ZNF738: variants seen among roughly 807,000 people sequenced by gnomAD.
ZNF738 encodes protein ZNF738.
ZNF738 carries 10 observed loss-of-function variants against 9.2 expected under a neutral mutation model. The observed-to-expected ratio is 1.09, with a 90% CI of 0.67 to 1.85. The LOEUF is 1.85. Ranked by LOEUF, ZNF738 falls within the 40% of genes most tolerant of loss-of-function variation. The pLI is 0.00. For missense variants in ZNF738, 346 were observed against 283.6 expected (o/e 1.22, Z -1.58); for synonymous variants, 113 against 94.5 (o/e 1.20, Z -1.14).
At position 21,365,716 on chromosome 19, in the gene ZNF738, A is replaced by G. The variant is rs555050920; in HGVS notation, c.96+3858A>G. Among the ~76,000 whole-genome samples the G allele has an allele frequency of 4.7e-4, 72 of 152,202 alleles. No individual in the cohort carries two copies. The South Asian group carries it at 0.015, about 32-fold the overall frequency. ...TCATGCCTGTAATCCAAGCACTCTGAGAAGCCTAGGCGGGTGGATCGCTTG... is the reference window on the plus strand; with the variant it reads ...TCATGCCTGTAATCCAAGCACTCTGGGAAGCCTAGGCGGGTGGATCGCTTG... On this transcript the variant is annotated intron_variant, in intron 2 of 4. Transcript: ENST00000683779.
At chr19:21,366,655 T>C (rs1973783923) in intron 2 of ZNF738, among the ~76,000 whole-genome samples, 1 of 152,204 alleles carries the variant, frequency 6.6e-6, no homozygotes, top group South Asian at 2.1e-4. Flanking sequence ...AAGAAATGGC[T>C]TTCTCCATAG....
rs1362315263 is a variant in ZNF738, at chr19:21,386,095, AAATGTGAAG to A, written c.*2428_*2436del. On this transcript the variant is annotated 3_prime_UTR_variant, in exon 5 of 5. Transcript: ENST00000683779. ...AAATCTTACAGGAGAGAAATTATAC[AAATGTGAAG>A]AATGTGGCAAAGCTTTTAAGAAATC... is the stretch of plus-strand genomic sequence containing the variant. 6.6e-6 allele frequency among the ~76,000 whole-genome samples: 1 copy of A among 152,254 alleles called. No homozygotes were observed. The highest frequency in any genetic ancestry group is 1.5e-5 in the Non-Finnish European group (1 of 68,044).
rs147273543 is a variant in ZNF738 at position 21,380,690 on chromosome 19, C to T, written c.320-2176C>T. ...ACTATAGTTGAAGAAAATCTTTGCCCGGTACTATTATAGGGTACTCAATGA... is the reference window on the plus strand; with the variant it reads ...ACTATAGTTGAAGAAAATCTTTGCCTGGTACTATTATAGGGTACTCAATGA... On this transcript the variant is annotated intron_variant, in intron 4 of 4. Transcript: ENST00000683779. Among the ~76,000 whole-genome samples the T allele has an allele frequency of 1.9e-4, 29 of 152,182 alleles. No homozygotes were observed. The East Asian group carries it at 4.8e-3, about 25-fold the overall frequency.
chr19:21,387,211 G>A lies in ZNF738; in HGVS notation c.*3537G>A, dbSNP rs1233244024. The A allele has an allele frequency of 6.6e-6, 1 of 152,172 alleles. No individual in the cohort carries two copies. The highest frequency in any genetic ancestry group is 2.4e-5 in the African/African-American group (1 of 41,408). 9.4% of individuals were successfully genotyped at this position (152,172 alleles called of 1,614,324 possible). A position where few individuals can be genotyped will look rare whatever the true frequency, so the allele number is the denominator to read the frequency against. ...CTTGACTTTTTTCTTTTTTTGAGAT[G>A]AAGTCTCACTCTTGTCCCCCAGGCT... On this transcript the variant is annotated 3_prime_UTR_variant, in exon 5 of 5. Transcript: ENST00000683779.
chr19:21,378,735 G>T, intron 4 of ZNF738: 1 of 318,672 alleles, frequency 3.1e-6, no homozygotes. Flanking sequence ...GAGTAGCTGG[G>T]ATTACGGGCA....
rs933022148 is a variant in ZNF738, at chr19:21,388,203, G to A, written c.*4529G>A. Among the ~76,000 whole-genome samples, 1 of 152,078 alleles carries A rather than the reference G, an allele frequency of 6.6e-6. No individual in the cohort carries two copies. Among genetic ancestry groups the A allele is most frequent in the African/African-American group, 2.4e-5 (1 of 41,410 alleles). Reference sequence around the variant, plus strand: ...TTGCAGAGTAATAACTACATTCTAAGTATACTTTATTTCTTGAAAAAATTA... The same window carrying A: ...TTGCAGAGTAATAACTACATTCTAAATATACTTTATTTCTTGAAAAAATTA... On this transcript the variant is annotated 3_prime_UTR_variant, in exon 5 of 5. Coordinates refer to ENST00000683779, the MANE Select transcript of ZNF738 (RefSeq NM_001355237.2).
intron 4 of ZNF738, among the ~76,000 whole-genome samples, chr19:21,379,994 T>A (rs1973985092): frequency 6.6e-6 from 1 of 152,140 alleles, no homozygotes; most frequent in Non-Finnish European, 1.5e-5. Context: ...AGTAACTAAG[T>A]AACAAAAGGA....
intron 4 of ZNF738, among the ~76,000 whole-genome samples, chr19:21,380,948 G>A (rs990709108): frequency 1.3e-5 from 2 of 152,118 alleles, no homozygotes; most frequent in Non-Finnish European, 2.9e-5. Context: ...TGCCCAGGAA[G>A]GCAACTTTAA....
chr19:21,383,533 A>T lies in ZNF738; in HGVS notation c.987A>T (p.Ser329=). The change falls in exon 5 of 5, where the codon TCA becomes TCT. Residue 329 remains serine (S), a synonymous_variant. Coordinates refer to ENST00000683779, the MANE Select transcript of ZNF738 (RefSeq NM_001355237.2). ...GTGGCAAAGCTTTCTGCCAATTCTCATACCTTACTAAACATAAGATAATTC... is the reference window on the plus strand; with the variant it reads ...GTGGCAAAGCTTTCTGCCAATTCTCTTACCTTACTAAACATAAGATAATTC... ...EGCGKAFCQF[S]YLTKHKIIHT... is the part of the protein sequence containing the mutation. 13 of 957,116 alleles carry T rather than the reference A, an allele frequency of 1.4e-5. No homozygotes were observed. The highest frequency in any genetic ancestry group is 1.8e-5 in the Non-Finnish European group (11 of 602,034). 59.3% of individuals were successfully genotyped at this position (957,116 alleles called of 1,614,324 possible). A position where few individuals can be genotyped will look rare whatever the true frequency, so the allele number is the denominator to read the frequency against.
In ZNF738 at chr19:21,386,210, C is replaced by A; in HGVS notation, c.*2536C>A. ...GGAATGTGGCAAAGCCTTTAATGGT[C>A]CCCTCAACTTTCTGCACATAAGATA... is the stretch of plus-strand genomic sequence containing the variant. On this transcript the variant is annotated 3_prime_UTR_variant, in exon 5 of 5. Transcript: ENST00000683779. The A allele has an allele frequency of 3.6e-6, 1 of 279,696 alleles. No homozygotes were observed. 17.3% of individuals were successfully genotyped at this position (279,696 alleles called of 1,614,324 possible). A position where few individuals can be genotyped will look rare whatever the true frequency, so the allele number is the denominator to read the frequency against.
At position 21,386,513 on chromosome 19, in the gene ZNF738, A is replaced by G. The variant is rs1299613250; in HGVS notation, c.*2839A>G. ...GGAGAGAAACCTCACAACTGTGAAG[A>G]ATGTGGCAAAGCTTTTAACCAGTCC... On this transcript the variant is annotated 3_prime_UTR_variant, in exon 5 of 5. Transcript: ENST00000683779. The G allele has an allele frequency of 2.6e-6, 1 of 377,782 alleles. No individual in the cohort carries two copies. The highest frequency in any genetic ancestry group is 5.4e-6 in the Non-Finnish European group (1 of 185,360). The allele number at this position is 377,782 out of a possible 1,614,324, so 23.4% of individuals were successfully genotyped here.
intron 2 of ZNF738, among the ~76,000 whole-genome samples, chr19:21,370,832 A>G (rs1444532186): frequency 3.3e-5 from 5 of 152,166 alleles, no homozygotes; most frequent in African/African-American, 1.2e-4. Flanking sequence ...ACCTGCACAT[A>G]AGTTCTGGCC....
intron 2 of ZNF738, among the ~76,000 whole-genome samples, chr19:21,373,863 C>T (rs1450804936): frequency 6.6e-6 from 1 of 151,310 alleles, no homozygotes; most frequent in Non-Finnish European, 1.5e-5. Context: ...TTAGTCCTTG[C>T]AAACATTTAC....
At chr19:21,369,704 GCT>G (rs1973831385) in intron 2 of ZNF738, among the ~76,000 whole-genome samples, 1 of 152,072 alleles carries the variant, frequency 6.6e-6, no homozygotes, top group African/African-American at 2.4e-5. Flanking sequence ...TTATTTCTGG[GCT>G]CTCTATTCTG....
chr19:21,377,904 C>T, intron 4 of ZNF738: 1 of 384,982 alleles, frequency 2.6e-6, no homozygotes, highest in Non-Finnish European at 4.6e-6. Flanking sequence ...CTATTTGATT[C>T]TTGCATCTTT....
In ZNF738 at chr19:21,380,593, A is replaced by G. The variant is rs116609143; in HGVS notation, c.320-2273A>G. On this transcript the variant is annotated intron_variant, in intron 4 of 4. Coordinates refer to ENST00000683779, the MANE Select transcript of ZNF738 (RefSeq NM_001355237.2). ...TCTGAGCAGGCACATAAGGTGGCAA[A>G]AGAAATGGATTAAAAAACAGATGGA... 6.3e-3 allele frequency among the ~76,000 whole-genome samples: 952 copies of G among 152,318 alleles called. 11 individuals carry two copies. Among genetic ancestry groups the G allele is most frequent in the South Asian group, 0.023 (110 of 4,820 alleles).
intron 1 of ZNF738, among the ~76,000 whole-genome samples, chr19:21,361,229 C>T (rs928845527): frequency 1.3e-5 from 2 of 152,092 alleles, no homozygotes. Context: ...CTTCTGCCTC[C>T]CGGGTTCAGG....
intron 2 of ZNF738, among the ~76,000 whole-genome samples, chr19:21,363,480 A>C (rs1230181992): frequency 6.6e-6 from 1 of 152,244 alleles, no homozygotes; most frequent in African/African-American, 2.4e-5. Context: ...AGCTACAGGC[A>C]GATGAGTTAA....
At chr19:21,373,705 G>C (rs1300669962) in intron 2 of ZNF738, among the ~76,000 whole-genome samples, 17 of 151,628 alleles carry the variant, frequency 1.1e-4, no homozygotes, top group Non-Finnish European at 2.1e-4. Context: ...ATTTTTTCAA[G>C]ACACAGGTGT....
Sources: gnomAD v4.1 joint callset for allele counts (sites outside exome capture counted in the v4.1 genomes callset) on GRCh38, gnomAD v4.1.1 for gene constraint, MANE v1.5 for transcripts, NCBI Gene and HGNC (gene_info 2026-07-23, HGNC 2026-07-21) for gene names.